The following CNTN1 variants were observed in gnomAD, a reference collection of about 807,000 sequenced individuals.
CNTN1 encodes contactin-1.
In CNTN1, 38 loss-of-function variants were observed where a neutral mutation model predicts 126.4. The ratio of observed to expected loss-of-function variants is 0.30; its 90% CI spans 0.23 to 0.39. The LOEUF is 0.39. Among genes scored for constraint, CNTN1 ranks in the 10% least tolerant of loss-of-function variants. The pLI is 1.00. For missense variants in CNTN1, 1,009 were observed against 1,248.4 expected, an observed-to-expected ratio of 0.81 and a Z score of 2.89; for synonymous variants, 413 against 422.6, an observed-to-expected ratio of 0.98 and a Z score of 0.28.
chr12:40,836,371 G>A (rs947118856), intron 1 of CNTN1, among the ~76,000 whole-genome samples: 2 of 151,024 alleles, frequency 1.3e-5, no homozygotes, highest in African/African-American at 4.9e-5. Flanking sequence ...TAATATATGT[G>A]TATATCATCC....
At chr12:40,997,751 T>G (rs146892546) in intron 17 of CNTN1, among the ~76,000 whole-genome samples, 19 of 152,318 alleles carry the variant, frequency 1.2e-4, no homozygotes, top group African/African-American at 4.3e-4. Flanking sequence ...ATGATGCTGA[T>G]CTGGGTATCC....
rs182003029 is a variant in CNTN1 at position 40,786,177 on chromosome 12, T to C, written c.-77+93585T>C. Reference sequence around the variant, plus strand: ...AAATCATTCTCCGACTCATTTGGGTTATTGGCAGAAGTCAGTTTCTGTGGT... The same window carrying C: ...AAATCATTCTCCGACTCATTTGGGTCATTGGCAGAAGTCAGTTTCTGTGGT... On this transcript the variant is annotated intron_variant, in intron 1 of 23. Transcript: ENST00000551295. Among the ~76,000 whole-genome samples the C allele has an allele frequency of 1.0e-3, 158 of 152,286 alleles. 1 individual carries two copies. Among genetic ancestry groups the C allele is most frequent in the Non-Finnish European group, 2.0e-3 (137 of 68,012 alleles).
At chr12:40,748,628 C>T (rs756707367) in intron 1 of CNTN1, among the ~76,000 whole-genome samples, 46 of 152,094 alleles carry the variant, frequency 3.0e-4, no homozygotes, top group Admixed American at 5.9e-4. Flanking sequence ...AAAATCAAAA[C>T]TTTATTTAAA....
At chr12:40,831,113 C>CAA (rs1365419577) in intron 1 of CNTN1, among the ~76,000 whole-genome samples, 1 of 143,528 alleles carries the variant, frequency 7.0e-6, no homozygotes, top group African/African-American at 2.5e-5. Context: ...ATATAGTATA[C>CAA]TATATATACT....
At chr12:40,693,025 C>T (rs1295078123) in intron 1 of CNTN1, among the ~76,000 whole-genome samples, 3 of 152,230 alleles carry the variant, frequency 2.0e-5, no homozygotes, top group African/African-American at 4.8e-5. Flanking sequence ...TCATCTTTCC[C>T]ATCCCACCTG....
intron 2 of CNTN1, 135 bp downstream of exon 2, chr12:40,908,628 C>T (rs1450050429): frequency 3.4e-6 from 2 of 596,014 alleles, no homozygotes; most frequent in Admixed American, 3.2e-5. Context: ...AAATATGTAT[C>T]AAGGGTGACC....
At chr12:40,750,803 C>T (rs1938378187) in intron 1 of CNTN1, among the ~76,000 whole-genome samples, 1 of 151,972 alleles carries the variant, frequency 6.6e-6, no homozygotes, top group South Asian at 2.1e-4. Flanking sequence ...GTTTGAGATC[C>T]TCTGGTCATT....
chr12:40,789,863 T>C (rs1179743528), intron 1 of CNTN1, among the ~76,000 whole-genome samples: 3 of 152,174 alleles, frequency 2.0e-5, no homozygotes, highest in African/African-American at 7.2e-5. Flanking sequence ...TTATCATTTT[T>C]GTAAAATTTC....
chr12:41,047,148 T>C (rs1383948225), intron 23 of CNTN1, among the ~76,000 whole-genome samples: 3 of 151,962 alleles, frequency 2.0e-5, no homozygotes, highest in Non-Finnish European at 4.4e-5. Context: ...CAGCACCACA[T>C]ACCTAGAGAC....
chr12:40,951,216 T>G (rs1592310290), intron 14 of CNTN1, among the ~76,000 whole-genome samples: 1 of 152,164 alleles, frequency 6.6e-6, no homozygotes, highest in African/African-American at 2.4e-5. Context: ...AATGGCCAGC[T>G]GATCAAAATT....
chr12:40,949,283 CTT>C (rs200841459), intron 14 of CNTN1, among the ~76,000 whole-genome samples: 7 of 147,606 alleles, frequency 4.7e-5, no homozygotes, highest in African/African-American at 1.8e-4. Flanking sequence ...AGAAAGGTTT[CTT>C]TTTTTATATA....
intron 1 of CNTN1, among the ~76,000 whole-genome samples, chr12:40,772,556 A>G (rs937261012): frequency 2.0e-5 from 3 of 152,108 alleles, no homozygotes; most frequent in African/African-American, 7.2e-5. Flanking sequence ...AATTTTTGCC[A>G]TGTTTTCTCT....
Position 40,939,495 on chromosome 12 carries a change from G to A in CNTN1, c.1379+10G>A. On this transcript the variant is annotated intron_variant, in intron 12 of 23. Coordinates refer to ENST00000551295, the MANE Select transcript of CNTN1 (RefSeq NM_001843.4). ...TTGTCAATAGCAGCAGGTCAGTGCT[G>A]AAACTAGAAATCCAATTGCAAAATC... 6.2e-7 allele frequency: 1 copy of A among 1,613,406 alleles called. No homozygotes were observed. The highest frequency in any genetic ancestry group is 8.5e-7 in the Non-Finnish European group (1 of 1,179,670).
At chr12:40,703,742 A>G (rs779113260) in intron 1 of CNTN1, among the ~76,000 whole-genome samples, 1 of 152,062 alleles carries the variant, frequency 6.6e-6, no homozygotes, top group African/African-American at 2.4e-5. Flanking sequence ...TAGAAATGGA[A>G]AGAAGTGACG....
Position 40,875,997 on chromosome 12 carries a change from C to G in CNTN1, c.-76-32360C>G, listed in dbSNP as rs73275606. Among the ~76,000 whole-genome samples, 693 of 152,114 alleles carry G rather than the reference C, an allele frequency of 4.6e-3. 7 individuals are homozygous for G. The highest frequency in any genetic ancestry group is 0.016 in the African/African-American group (646 of 41,522). ...CACTTAAAGGTCAAAAAGTCAGTGT[C>G]TATCTCAAGGTAACATTATTTTTTA... On this transcript the variant is annotated intron_variant, in intron 1 of 23. Transcript: ENST00000551295.
At chr12:40,985,985 G>A (rs1047773649) in intron 16 of CNTN1, among the ~76,000 whole-genome samples, 8 of 152,054 alleles carry the variant, frequency 5.3e-5, no homozygotes, top group Non-Finnish European at 1.0e-4. Flanking sequence ...TTCGGTCTGT[G>A]AATAATCCCA....
chr12:40,982,436 G>GA (rs1947844038), intron 16 of CNTN1, among the ~76,000 whole-genome samples: 1 of 152,074 alleles, frequency 6.6e-6, no homozygotes, highest in Non-Finnish European at 1.5e-5. Context: ...GTTTGGCCCT[G>GA]AAAAAAGAAA....
At chr12:40,711,675 T>TCTC (rs139158273) in intron 1 of CNTN1, among the ~76,000 whole-genome samples, 18 of 151,838 alleles carry the variant, frequency 1.2e-4, no homozygotes, top group East Asian at 5.8e-4. Context: ...CTTTGTTTCT[T>TCTC]CTCCTCCTCC....
At chr12:40,732,951 A>G (rs528210747) in intron 1 of CNTN1, among the ~76,000 whole-genome samples, 6 of 152,014 alleles carry the variant, frequency 3.9e-5, no homozygotes, top group South Asian at 2.1e-4. Context: ...TTAGCTGCAA[A>G]AGTTACAACT....
Sources: gnomAD v4.1 joint callset for allele counts (sites outside exome capture counted in the v4.1 genomes callset) on GRCh38, gnomAD v4.1.1 for gene constraint, MANE v1.5 for transcripts, NCBI Gene and HGNC (gene_info 2026-07-23, HGNC 2026-07-21) for gene names.